Variants in ESRP1 observed in about 807,000 individuals in gnomAD.
ESRP1 encodes epithelial splicing regulatory protein 1.
ESRP1 carries 33 observed loss-of-function variants against 81.7 expected under a neutral mutation model. That is an observed-to-expected ratio of 0.40 (90% confidence interval 0.31 to 0.54). The LOEUF is 0.54. Among genes scored for constraint, ESRP1 ranks in the 20% least tolerant of loss-of-function variants. The pLI is 0.41. For synonymous variants in ESRP1, 320 were observed against 303.3 expected (o/e 1.06, Z -0.57); for missense variants, 672 against 833.1 (o/e 0.81, Z 2.38).
chr8:94,699,333 T>C (rs929589190), intron 15 of ESRP1, among the ~76,000 whole-genome samples: 3 of 152,120 alleles, frequency 2.0e-5, no homozygotes, highest in Non-Finnish European at 2.9e-5. Flanking sequence ...TGCCTCTCTA[T>C]TGCAAATTTT....
intron 12 of ESRP1, among the ~76,000 whole-genome samples, chr8:94,676,000 T>C (rs1819567920): frequency 6.6e-6 from 1 of 152,216 alleles, no homozygotes; most frequent in Non-Finnish European, 1.5e-5. Flanking sequence ...GTTTGTTAAC[T>C]TACTTTCTTA....
intron 4 of ESRP1, among the ~76,000 whole-genome samples, chr8:94,646,897 AC>A (rs1034266186): frequency 2.0e-5 from 3 of 152,222 alleles, no homozygotes; most frequent in African/African-American, 7.2e-5. Context: ...ATCATGAATG[AC>A]CCGTCATCTT....
At chr8:94,680,771 G>A (rs1729663712) in intron 13 of ESRP1, among the ~76,000 whole-genome samples, 1 of 152,130 alleles carries the variant, frequency 6.6e-6, no homozygotes, top group South Asian at 2.1e-4. Context: ...GGCATTTGAG[G>A]CTATTAAAAA....
At position 94,706,519 on chromosome 8, in the gene ESRP1, G is replaced by A. The variant is rs771010740; in HGVS notation, c.*630G>A. The A allele has an allele frequency of 6.6e-6, 1 of 152,594 alleles. No individual in the cohort carries two copies. Among genetic ancestry groups the A allele is most frequent in the African/African-American group, 2.4e-5 (1 of 41,434 alleles). The allele number at this position is 152,594 out of a possible 1,614,324, so 9.5% of individuals were successfully genotyped here. A position where few individuals can be genotyped will look rare whatever the true frequency, so the allele number is the denominator to read the frequency against. ...ACCTGAAGATAAATTAGAAGAAATT[G>A]TGCACCCTCCACAAAACATACAAAG... On this transcript the variant is annotated 3_prime_UTR_variant, in exon 16 of 16. Transcript: ENST00000433389.
intron 15 of ESRP1, among the ~76,000 whole-genome samples, chr8:94,697,391 C>G (rs2130729800): frequency 6.6e-6 from 1 of 152,298 alleles, no homozygotes; most frequent in East Asian, 1.9e-4. Flanking sequence ...TCCCTGTTTT[C>G]TCTCCCAATA....
intron 15 of ESRP1, among the ~76,000 whole-genome samples, chr8:94,698,071 G>C (rs1374879369): frequency 6.6e-6 from 1 of 152,098 alleles, no homozygotes; most frequent in Non-Finnish European, 1.5e-5. Flanking sequence ...GTGAGCCACC[G>C]TGCCCAGCCT....
intron 3 of ESRP1, 66 bp from the exon 4 acceptor site, chr8:94,646,102 C>A: frequency 1.2e-6 from 1 of 835,482 alleles, no homozygotes; most frequent in Non-Finnish European, 1.9e-6. Context: ...TTTTAGGTTC[C>A]TAATTGTGAG....
chr8:94,669,702 C>A (rs928804158), intron 10 of ESRP1, among the ~76,000 whole-genome samples: 1 of 151,744 alleles, frequency 6.6e-6, no homozygotes, highest in Admixed American at 6.6e-5. Context: ...TCCATCTCTG[C>A]TGAAAATACA....
At chr8:94,677,592 G>A (rs1808696682) in intron 12 of ESRP1, among the ~76,000 whole-genome samples, 1 of 152,140 alleles carries the variant, frequency 6.6e-6, no homozygotes, top group South Asian at 2.1e-4. Context: ...CTTTTTAAAG[G>A]TCTGAAGATA....
At chr8:94,675,404 T>C (rs1409034422) in intron 12 of ESRP1, among the ~76,000 whole-genome samples, 1 of 152,232 alleles carries the variant, frequency 6.6e-6, no homozygotes, top group Admixed American at 6.5e-5. Flanking sequence ...GATGGACCTA[T>C]ACTAATGATC....
chr8:94,674,609 G>A lies in ESRP1; in HGVS notation c.1651+103G>A. The A allele has an allele frequency of 2.7e-6, 3 of 1,092,262 alleles. No individual in the cohort carries two copies. In the South Asian group the frequency reaches 5.0e-5, roughly 18 times the overall value. 67.7% of individuals were successfully genotyped at this position (1,092,262 alleles called of 1,614,324 possible). A position where few individuals can be genotyped will look rare whatever the true frequency, so the allele number is the denominator to read the frequency against. On this transcript the variant is annotated intron_variant, in intron 12 of 15. Coordinates refer to ENST00000433389, the MANE Select transcript of ESRP1 (RefSeq NM_017697.4). ...GCCCCTGGTTCTTTCTGAGGCAGGT[G>A]AGGTGGTTATATAAGGCTCTCCCAT...
At chr8:94,645,133 G>T (rs973535031) in intron 3 of ESRP1, among the ~76,000 whole-genome samples, 4 of 152,084 alleles carry the variant, frequency 2.6e-5, no homozygotes, top group African/African-American at 9.7e-5. Context: ...AGGTTTCATG[G>T]TTCTTTTGGT....
rs117666691 is a variant in ESRP1 at position 94,705,677 on chromosome 8, G to A, written c.*36-248G>A. 1,076 of 465,014 alleles carry A rather than the reference G, an allele frequency of 2.3e-3. 25 individuals carry two copies. The East Asian group carries it at 0.038, about 16-fold the overall frequency. 28.8% of individuals were successfully genotyped at this position (465,014 alleles called of 1,614,324 possible). On this transcript the variant is annotated intron_variant, in intron 15 of 15. Transcript: ENST00000433389. ...TAAACTAAACACATGATACTACAAAGGGTAGGAGTGGTGCAGAACGCCAAC... is the reference window on the plus strand; with the variant it reads ...TAAACTAAACACATGATACTACAAAAGGTAGGAGTGGTGCAGAACGCCAAC...
chr8:94,651,042 T>A (rs1007359648), intron 4 of ESRP1, among the ~76,000 whole-genome samples: 5 of 152,118 alleles, frequency 3.3e-5, no homozygotes, highest in Non-Finnish European at 4.4e-5. Flanking sequence ...CCAAGGAGTG[T>A]GACTGCTGGA....
Position 94,696,853 on chromosome 8 carries a change from A to T in ESRP1, c.1973A>T (p.Tyr658Phe). 1 of 1,580,800 alleles carries T rather than the reference A, an allele frequency of 6.3e-7. No individual in the cohort carries two copies. The highest frequency in any genetic ancestry group is 8.6e-7 in the Non-Finnish European group (1 of 1,164,210). Residue 658 changes from tyrosine to phenylalanine, a missense_variant and splice_region_variant, in exon 15 of 16, where the codon TAT (tyrosine) becomes TTT (phenylalanine). Physicochemically the swap from Tyr to Phe is conservative, Grantham distance 22. Coordinates refer to ENST00000433389, the MANE Select transcript of ESRP1 (RefSeq NM_017697.4). ...TGTTTGTTTTAACTTGCATTTTAGTATGCAACCGAGGATGGACTTATACAC... is the reference window on the plus strand; with the variant it reads ...TGTTTGTTTTAACTTGCATTTTAGTTTGCAACCGAGGATGGACTTATACAC... ...EILNFFQGYQYATEDGLIHTN... is the reference protein window; with the variant it reads ...EILNFFQGYQFATEDGLIHTN...
In ESRP1 at chr8:94,670,266, CTTAA is replaced by C. The variant is rs1819247635; in HGVS notation, c.1234-1184_1234-1181del. Among the ~76,000 whole-genome samples, 7 of 152,314 alleles carry C rather than the reference CTTAA, an allele frequency of 4.6e-5. No individual in the cohort carries two copies. The South Asian group carries it at 1.2e-3, about 27-fold the overall frequency. On this transcript the variant is annotated intron_variant, in intron 10 of 15. Transcript: ENST00000433389. ...TTATTCAGTAAATATTTGAGCACCT[CTTAA>C]TTGTCAGGTATTATGAGATGCTTCA...
At chr8:94,678,509 G>T in intron 13 of ESRP1, 138 bp downstream of exon 13, 1 of 984,308 alleles carries the variant, frequency 1.0e-6, no homozygotes. Context: ...TCATATCTCT[G>T]ACCAAGAAGG....
At chr8:94,643,164 G>C in intron 2 of ESRP1, 139 bp from the exon 3 acceptor site, 1 of 577,730 alleles carries the variant, frequency 1.7e-6, no homozygotes, top group Middle Eastern at 4.4e-4. Flanking sequence ...AAAGGAGTCT[G>C]TCCAAGGTTG....
chr8:94,641,283 T>G lies in ESRP1; in HGVS notation c.-36T>G. 2 of 1,551,502 alleles carry G rather than the reference T, an allele frequency of 1.3e-6. No individual in the cohort carries two copies. Among genetic ancestry groups the G allele is most frequent in the Non-Finnish European group, 1.8e-6 (2 of 1,131,498 alleles). The stretch of plus-strand genomic sequence containing the variant: ...CTCACTTCCACACCACCTTACCGCC[T>G]CCCGACCCCCCCTCTCCCCCTCCCC... On this transcript the variant is annotated 5_prime_UTR_variant, in exon 1 of 16. Coordinates refer to ENST00000433389, the MANE Select transcript of ESRP1 (RefSeq NM_017697.4).
Sources: allele counts gnomAD v4.1 joint callset (sites outside exome capture counted in the v4.1 genomes callset), GRCh38; gene constraint gnomAD v4.1.1; transcripts MANE v1.5; gene names NCBI Gene and HGNC (gene_info 2026-07-23, HGNC 2026-07-21).